TUSC3: variants seen among roughly 807,000 people sequenced by gnomAD.
TUSC3 encodes tumor suppressor candidate 3.
Under a neutral mutation model 44.8 loss-of-function variants are expected in TUSC3, and 45 were observed. The observed-to-expected ratio is 1.00, with a 90% CI of 0.79 to 1.29. The LOEUF (loss-of-function observed/expected upper bound fraction) is 1.29, where lower values mean the gene tolerates loss of function less well. TUSC3 is among the 50% of genes most tolerant of loss of function. TUSC3 has a pLI of 0.00. For missense variants in TUSC3, 519 were observed against 437.9 expected (o/e 1.19, Z -1.65); for synonymous variants, 212 against 152.9 (o/e 1.39, Z -2.85).
chr8:15,790,685 T>C, the TUSC3 span, among the ~76,000 whole-genome samples: 2 of 152,098 alleles, frequency 1.3e-5, no homozygotes, highest in Non-Finnish European at 2.9e-5. Context: ...ACCGGTGCAA[T>C]GTTTAGTGAT....
intron 6 of TUSC3, among the ~76,000 whole-genome samples, chr8:15,686,242 A>G (rs1808623676): frequency 6.6e-6 from 1 of 152,210 alleles, no homozygotes; most frequent in Admixed American, 6.5e-5. Context: ...ATCTTTAACA[A>G]TATGCATTTA....
chr8:15,821,444 T>G, the TUSC3 span, among the ~76,000 whole-genome samples: 1 of 149,350 alleles, frequency 6.7e-6, no homozygotes, highest in Non-Finnish European at 1.5e-5. Flanking sequence ...GATTTGGAAG[T>G]TTACTGCTAT....
the TUSC3 span, among the ~76,000 whole-genome samples, chr8:15,777,661 T>A: frequency 3.3e-5 from 5 of 152,190 alleles, no homozygotes; most frequent in Non-Finnish European, 4.4e-5. Flanking sequence ...CTTTAAATAG[T>A]TCATAAGACA....
chr8:15,811,124 G>GT, the TUSC3 span, among the ~76,000 whole-genome samples: 6 of 152,088 alleles, frequency 3.9e-5, no homozygotes, highest in Admixed American at 6.5e-5. Context: ...GGGAAATGTC[G>GT]CGTGGTTGTC....
the TUSC3 span, among the ~76,000 whole-genome samples, chr8:15,781,972 A>T: frequency 6.6e-6 from 1 of 152,140 alleles, no homozygotes; most frequent in East Asian, 1.9e-4. Context: ...GTCTCTACTA[A>T]AAAATACAAA....
chr8:15,801,148 G>T, the TUSC3 span, among the ~76,000 whole-genome samples: 1 of 152,186 alleles, frequency 6.6e-6, no homozygotes, highest in Non-Finnish European at 1.5e-5. Flanking sequence ...AGGGTTGCTG[G>T]TTGCCCATTT....
intron 1 of TUSC3, among the ~76,000 whole-genome samples, chr8:15,609,492 A>G (rs1563131877): frequency 6.6e-6 from 1 of 152,164 alleles, no homozygotes; most frequent in Non-Finnish European, 1.5e-5. Flanking sequence ...AAAATGAGAT[A>G]TTTATTTATA....
chr8:15,749,773 T>A (rs1811612646), intron 9 of TUSC3, among the ~76,000 whole-genome samples: 1 of 148,572 alleles, frequency 6.7e-6, no homozygotes, highest in Non-Finnish European at 1.5e-5. Flanking sequence ...GGATTGAGAA[T>A]CATGTTTTTG....
chr8:15,757,400 A>G (rs1464950570), intron 9 of TUSC3, among the ~76,000 whole-genome samples: 3 of 152,220 alleles, frequency 2.0e-5, no homozygotes, highest in Non-Finnish European at 2.9e-5. Flanking sequence ...ATAGTGAACA[A>G]GTACAGCAAG....
chr8:15,604,188 T>C (rs1804423620), intron 1 of TUSC3, among the ~76,000 whole-genome samples: 1 of 151,668 alleles, frequency 6.6e-6, no homozygotes, highest in Admixed American at 6.6e-5. Flanking sequence ...ATGTAACATT[T>C]TATTGTATGG....
At chr8:15,621,766 A>C (rs1276274760) in intron 1 of TUSC3, among the ~76,000 whole-genome samples, 1 of 143,642 alleles carries the variant, frequency 7.0e-6, no homozygotes, top group Non-Finnish European at 1.6e-5. Flanking sequence ...TGGTTGTGGC[A>C]AAATTGGGTC....
At chr8:15,701,051 C>G (rs1809382166) in intron 6 of TUSC3, among the ~76,000 whole-genome samples, 1 of 151,832 alleles carries the variant, frequency 6.6e-6, no homozygotes, top group Non-Finnish European at 1.5e-5. Context: ...CAGTATTTAA[C>G]TAGAGGGACA....
chr8:15,804,433 G>C, the TUSC3 span, among the ~76,000 whole-genome samples: 35 of 152,134 alleles, frequency 2.3e-4, no homozygotes, highest in Non-Finnish European at 4.4e-4. Flanking sequence ...TGTTTTTTAG[G>C]TTTTCTTCTA....
intron 2 of TUSC3, among the ~76,000 whole-genome samples, chr8:15,496,852 A>G (rs1427987215): frequency 6.6e-6 from 1 of 152,196 alleles, no homozygotes; most frequent in Non-Finnish European, 1.5e-5. Context: ...TTGGCATACC[A>G]TAACAGAGTT....
chr8:15,789,073 C>G, the TUSC3 span, among the ~76,000 whole-genome samples: 4 of 152,166 alleles, frequency 2.6e-5, no homozygotes, highest in African/African-American at 9.7e-5. Context: ...AAACAGAATC[C>G]GTGTCGTCAT....
At chr8:15,627,403 C>T (rs774812365) in intron 2 of TUSC3, among the ~76,000 whole-genome samples, 2 of 152,236 alleles carry the variant, frequency 1.3e-5, no homozygotes, top group Non-Finnish European at 2.9e-5. Context: ...TCCTCTTTGT[C>T]TTACTCACCC....
At chr8:15,533,822 G>C (rs947140114) in intron 2 of TUSC3, among the ~76,000 whole-genome samples, 2 of 152,150 alleles carry the variant, frequency 1.3e-5, no homozygotes, top group African/African-American at 4.8e-5. Context: ...CCAGATGGGA[G>C]GTTATCTTGG....
At chr8:15,737,752 T>A (rs1472637031) in intron 7 of TUSC3, among the ~76,000 whole-genome samples, 2 of 152,140 alleles carry the variant, frequency 1.3e-5, no homozygotes, top group Non-Finnish European at 2.9e-5. Context: ...ACGTAGAATC[T>A]TTTCAGATTT....
At chr8:15,818,880 T>C in the TUSC3 span, among the ~76,000 whole-genome samples, 6 of 152,296 alleles carry the variant, frequency 3.9e-5, no homozygotes, top group Admixed American at 3.9e-4. Context: ...ATTGAAATAT[T>C]TGCAATGTTC....
Sources: allele counts gnomAD v4.1 joint callset (sites outside exome capture counted in the v4.1 genomes callset), GRCh38; gene constraint gnomAD v4.1.1; transcripts MANE v1.5; gene names NCBI Gene and HGNC (gene_info 2026-07-23, HGNC 2026-07-21).